Variants in TUB observed in about 807,000 individuals in gnomAD.
TUB encodes the protein tubby protein homolog.
A neutral mutation model predicts 59.7 loss-of-function variants in TUB; 33 were observed. That is an observed-to-expected ratio of 0.55 (90% CI 0.42 to 0.74). The LOEUF (loss-of-function observed/expected upper bound fraction) is 0.74. Ranked by LOEUF, TUB falls within the 30% of genes least tolerant of loss-of-function variation. The pLI is 0.00. For synonymous variants in TUB, 293 were observed against 256.4 expected (o/e 1.14, Z -1.36); for missense variants, 659 against 672.0 (o/e 0.98, Z 0.21).
intron 8 of TUB, 119 bp downstream of exon 8, chr11:8,097,945 G>A: frequency 1.4e-6 from 1 of 732,584 alleles, no homozygotes; most frequent in East Asian, 2.6e-5. Context: ...ACTCTCCCAG[G>A]ATCCTCTCTG....
At position 8,104,566 on chromosome 11, in the gene TUB, A is replaced by AT. The variant is rs1320155552; in HGVS notation, c.*2951dup. 6.6e-6 allele frequency: 1 copy of AT among 152,168 alleles called. No individual in the cohort carries two copies. Among genetic ancestry groups the AT allele is most frequent in the Non-Finnish European group, 1.5e-5 (1 of 68,036 alleles). The allele number at this position is 152,168 out of a possible 1,614,324, so 9.4% of individuals were successfully genotyped here. A position where few individuals can be genotyped will look rare whatever the true frequency, so the allele number is the denominator to read the frequency against. ...AGGATGTTGTTATGATCGCCTGTGG[A>AT]TTTTGTCCATTCATCTCATGCTCTC... is the stretch of plus-strand genomic sequence containing the variant. On this transcript the variant is annotated 3_prime_UTR_variant, in exon 12 of 12. Transcript: ENST00000299506.
intron 3 of TUB, 144 bp from the exon 4 acceptor site, chr11:8,093,902 G>C: frequency 2.2e-6 from 2 of 914,104 alleles, no homozygotes; most frequent in Non-Finnish European, 3.4e-6. Flanking sequence ...GCCTGATCCT[G>C]TGGGCTGTAG....
intron 2 of TUB, among the ~76,000 whole-genome samples, chr11:8,072,121 C>T (rs904842164): frequency 2.6e-5 from 4 of 152,122 alleles, no homozygotes; most frequent in Admixed American, 6.5e-5. Flanking sequence ...TGTGATCGGA[C>T]CAGGAGTCGG....
In TUB at chr11:8,102,357, G is replaced by C. The variant is rs897066146; in HGVS notation, c.*738G>C. 6.6e-6 allele frequency: 1 copy of C among 152,250 alleles called. No individual in the cohort carries two copies. The highest frequency in any genetic ancestry group is 1.5e-5 in the Non-Finnish European group (1 of 68,068). 9.4% of individuals were successfully genotyped at this position (152,250 alleles called of 1,614,324 possible). ...ACCCAGCTCTCAGGGCTGTCTTGGT[G>C]GATGGGCCCTGCAAGACACAGGCTC... On this transcript the variant is annotated 3_prime_UTR_variant, in exon 12 of 12. Transcript: ENST00000299506.
chr11:8,103,850 G>C lies in TUB; in HGVS notation c.*2231G>C, dbSNP rs1466155855. 6.6e-6 allele frequency: 1 copy of C among 152,408 alleles called. No homozygotes were observed. The highest frequency in any genetic ancestry group is 1.5e-5 in the Non-Finnish European group (1 of 68,064). The allele number at this position is 152,408 out of a possible 1,614,324, so 9.4% of individuals were successfully genotyped here. On this transcript the variant is annotated 3_prime_UTR_variant, in exon 12 of 12. Transcript: ENST00000299506. ...GAGTTCTGGTGAGACGGAGACCCCGGTGGCAGTGGAAAAATCAGAAGCACA... is the reference window on the plus strand; with the variant it reads ...GAGTTCTGGTGAGACGGAGACCCCGCTGGCAGTGGAAAAATCAGAAGCACA...
chr11:8,074,754 T>C (rs1451105875), intron 2 of TUB, among the ~76,000 whole-genome samples: 2 of 145,112 alleles, frequency 1.4e-5, no homozygotes, highest in East Asian at 2.1e-4. Context: ...TTTTTTTTTT[T>C]TTTTTTTTTT....
Position 8,089,626 on chromosome 11 carries a change from G to A in TUB, c.55G>A (p.Gly19Ser), listed in dbSNP as rs1201147989. The change falls in exon 2 of 12, where the codon GGC becomes AGC. Residue 19 changes from glycine (G) to serine (S), a missense_variant. Physicochemically the swap from Gly to Ser is moderately conservative, Grantham distance 56. This residue lies in a region of TUB where 321 missense variants were observed against 304.3 expected (regional missense o/e 1.05). Transcript: ENST00000299506. ...GCTCTGCAGTGTCTTAGATGATGAG[G>A]GCAGAAACCTGAGGCAGCAGAAGCT... ...WIPYSVLDDE[G>S]RNLRQQKLDR... 1 of 1,614,078 alleles carries A rather than the reference G, an allele frequency of 6.2e-7. No homozygotes were observed. The highest frequency in any genetic ancestry group is 1.3e-5 in the African/African-American group (1 of 74,930).
At chr11:8,033,177 G>A (rs1431110112) in intron 1 of TUB, among the ~76,000 whole-genome samples, 16 of 152,180 alleles carry the variant, frequency 1.1e-4, no homozygotes, top group Non-Finnish European at 2.4e-4. Context: ...GGGGCCCATC[G>A]TGCCCCACTT....
At chr11:8,024,950 G>T (rs1201727859) in intron 1 of TUB, among the ~76,000 whole-genome samples, 3 of 152,220 alleles carry the variant, frequency 2.0e-5, no homozygotes, top group African/African-American at 4.8e-5. Context: ...TGCTTATATG[G>T]CTTTAGACAA....
chr11:8,047,886 C>G (rs986835375), intron 2 of TUB, among the ~76,000 whole-genome samples: 1 of 152,154 alleles, frequency 6.6e-6, no homozygotes, highest in Admixed American at 6.5e-5. Flanking sequence ...TGATGAAGGT[C>G]TTTGATGACT....
intron 3 of TUB, among the ~76,000 whole-genome samples, chr11:8,090,815 A>AGAGCACATCTCCAGAGATGGCTG (rs1943757132): frequency 3.3e-5 from 5 of 151,426 alleles, no homozygotes; most frequent in Non-Finnish European, 7.4e-5. Context: ...CATCCTGGAG[A>AGAGCACATCTCCAGAGATGGCTG]GAGCACATCT....
chr11:8,074,809 C>G (rs577352602), intron 2 of TUB, among the ~76,000 whole-genome samples: 23 of 126,076 alleles, frequency 1.8e-4, no homozygotes, highest in African/African-American at 6.7e-4. Flanking sequence ...TGCAGTGGCA[C>G]AATCTTGGCT....
In TUB at chr11:8,105,139, C is replaced by G. The variant is rs1475648569; in HGVS notation, c.*3520C>G. ...TGTTATGCAAGCACAAATTTCATCT[C>G]CTAGATGGACTTCCTGGTTTTCTCT... On this transcript the variant is annotated 3_prime_UTR_variant, in exon 12 of 12. Coordinates refer to ENST00000299506, the MANE Select transcript of TUB (RefSeq NM_177972.3). The G allele has an allele frequency of 2.6e-5, 4 of 152,322 alleles. No homozygotes were observed. In the East Asian group the frequency reaches 5.8e-4, roughly 22 times the overall value. The allele number at this position is 152,322 out of a possible 1,614,324, so 9.4% of individuals were successfully genotyped here.
chr11:8,024,470 A>T (rs1942473668), intron 1 of TUB, among the ~76,000 whole-genome samples: 2 of 151,710 alleles, frequency 1.3e-5, no homozygotes. Flanking sequence ...CTTGACCCTT[A>T]TCTGCACCCC....
At chr11:8,065,932 G>T (rs1943231313) in intron 2 of TUB, among the ~76,000 whole-genome samples, 2 of 152,110 alleles carry the variant, frequency 1.3e-5, no homozygotes, top group Non-Finnish European at 2.9e-5. Context: ...TGGATTCTGT[G>T]GTTGCAGACA....
chr11:8,060,750 T>A lies in TUB; in HGVS notation c.203+21058T>A, dbSNP rs117762133. On this transcript the variant is annotated intron_variant, in intron 2 of 12. Coordinates refer to the TUB transcript ENST00000305253. ...TCATGAAAGGATGTTTTCCAACTGA[T>A]AACTACTGGGCCAGAGGATCCCTTA... Among the ~76,000 whole-genome samples, 474 of 152,338 alleles carry A rather than the reference T, an allele frequency of 3.1e-3. 1 individual carries two copies. The highest frequency in any genetic ancestry group is 4.9e-3 in the Non-Finnish European group (330 of 68,018).
At chr11:8,030,993 C>G (rs1439320845) in intron 1 of TUB, among the ~76,000 whole-genome samples, 4 of 152,192 alleles carry the variant, frequency 2.6e-5, no homozygotes, top group Non-Finnish European at 5.9e-5. Flanking sequence ...TTATTTCGTC[C>G]TCTCCATCAC....
chr11:8,077,000 G>C (rs144415772), upstream of TUB: 103 of 152,240 alleles, frequency 6.8e-4, no homozygotes, highest in African/African-American at 2.3e-3. Flanking sequence ...ATTACAGAGG[G>C]CTTTATCTGG....
rs544480959 is a variant in TUB at position 8,057,569 on chromosome 11, T to C, written c.203+17877T>C. On this transcript the variant is annotated intron_variant, in intron 2 of 12. Transcript: ENST00000305253. ...GATTCGAGTCCTGAAGACCTTCCTC[T>C]GGGGCCTCAGTAAATTTACTTAATC... Among the ~76,000 whole-genome samples the C allele has an allele frequency of 6.6e-5, 10 of 152,318 alleles. No homozygotes were observed. In the South Asian group the frequency reaches 2.1e-3, roughly 32 times the overall value.
Sources: allele counts gnomAD v4.1 joint callset (sites outside exome capture counted in the v4.1 genomes callset), GRCh38; gene constraint gnomAD v4.1.1; regional missense constraint gnomAD v4.1.1; transcripts MANE v1.5; gene names NCBI Gene and HGNC (gene_info 2026-07-23, HGNC 2026-07-21).